Variants in KCNT1 observed in about 807,000 individuals in gnomAD.
KCNT1 encodes potassium channel subfamily T member 1.
A neutral mutation model predicts 147.8 loss-of-function variants in KCNT1; 78 were observed. That is an observed-to-expected ratio of 0.53 (90% CI 0.44 to 0.64). The LOEUF (loss-of-function observed/expected upper bound fraction) is 0.64. Among genes scored for constraint, KCNT1 ranks in the 30% least tolerant of loss-of-function variants. KCNT1 has a pLI of 0.00. For missense variants in KCNT1, 1,419 were observed against 1,750.3 expected (o/e 0.81, Z 3.38); for synonymous variants, 867 against 748.8 (o/e 1.16, Z -2.58).
At chr9:135,720,351 C>T (rs1156261638) in intron 2 of KCNT1, among the ~76,000 whole-genome samples, 8 of 151,684 alleles carry the variant, frequency 5.3e-5, no homozygotes, top group Non-Finnish European at 8.8e-5. Context: ...TCCGAGCCCT[C>T]ATCTGTCATC....
In KCNT1 at chr9:135,752,674, G is replaced by A. The variant is rs1831250152; in HGVS notation, c.435-1263G>A. On this transcript the variant is annotated intron_variant, in intron 4 of 30. Transcript: ENST00000371757. This position sits in a 1 kb window ranked among gnomAD's most constrained non-coding sequence, Gnocchi z 5.1. The stretch of plus-strand genomic sequence containing the variant: ...GGATGGACGGATGGATGGAGTGGAT[G>A]GAGGGATGAGTGGATGGGTGGATAA... Among the ~76,000 whole-genome samples, 1 of 145,944 alleles carries A rather than the reference G, an allele frequency of 6.9e-6. No homozygotes were observed. Among genetic ancestry groups the A allele is most frequent in the South Asian group, 2.1e-4 (1 of 4,708 alleles).
chr9:135,787,382 C>T (rs540861226), intron 29 of KCNT1, among the ~76,000 whole-genome samples: 251 of 152,322 alleles, frequency 1.6e-3, no homozygotes, highest in Non-Finnish European at 3.1e-3. Flanking sequence ...TCCCCAGCAC[C>T]GGGCCGCTAC....
intron 2 of KCNT1, among the ~76,000 whole-genome samples, chr9:135,741,646 A>G (rs901930398): frequency 1.3e-5 from 2 of 151,940 alleles, no homozygotes; most frequent in Non-Finnish European, 2.9e-5. Context: ...TCCCCCAGGG[A>G]CCAGAAGCTG....
At chr9:135,728,681 G>A (rs574622152) in intron 2 of KCNT1, among the ~76,000 whole-genome samples, 1 of 152,258 alleles carries the variant, frequency 6.6e-6, no homozygotes, top group East Asian at 1.9e-4. Context: ...GGCCGGGCAG[G>A]GGTCCTGGGA....
intron 1 of KCNT1, among the ~76,000 whole-genome samples, chr9:135,708,525 C>T (rs937248912): frequency 6.6e-6 from 1 of 152,160 alleles, no homozygotes; most frequent in African/African-American, 2.4e-5. Context: ...AACCTCATTC[C>T]CTTAGCCAAA....
chr9:135,785,154 C>T (rs1396979871), intron 27 of KCNT1, among the ~76,000 whole-genome samples, 156 bp from the exon 28 acceptor site: 1 of 152,154 alleles, frequency 6.6e-6, no homozygotes, highest in African/African-American at 2.4e-5. Flanking sequence ...GGGGAGTCTT[C>T]AGGAAGAATA....
At chr9:135,755,249 G>GGGAA (rs1831407751) in intron 6 of KCNT1, 80 bp downstream of exon 6, 1 of 1,279,176 alleles carries the variant, frequency 7.8e-7, no homozygotes, top group African/African-American at 1.5e-5. Flanking sequence ...TCAGTAAGTA[G>GGGAA]GGAACCCAGG....
chr9:135,770,994 T>C lies in KCNT1; in HGVS notation c.1907T>C (p.Ile636Thr). 1.2e-6 allele frequency: 2 copies of C among 1,613,894 alleles called. No homozygotes were observed. The highest frequency in any genetic ancestry group is 2.2e-5 in the South Asian group (2 of 91,024). The change falls in exon 18 of 31, where the codon ATC (isoleucine) becomes ACC (threonine). Residue 636 changes from isoleucine (I) to threonine (T), a missense_variant. By Grantham distance (89) the Ile-to-Thr change is moderately conservative. Around this residue, in one of 5 missense-constraint regions of KCNT1, gnomAD observed 284 missense variants for 292.8 expected, o/e 0.97. Coordinates refer to ENST00000371757, the MANE Select transcript of KCNT1 (RefSeq NM_020822.3). ...ACCAAGGAGGAGAACTCGGCCTTCA[T>C]CTTCAAGCAGGAGGAGAAGCGGAAG... ...NITKEENSAF[I>T]FKQEEKRKKR...
chr9:135,770,517 CG>C, intron 17 of KCNT1, 70 bp downstream of exon 17: 5 of 1,526,592 alleles, frequency 3.3e-6, no homozygotes, highest in Non-Finnish European at 4.4e-6. Context: ...CCCACCCTCC[CG>C]GTCAGGCACA....
Position 135,759,801 on chromosome 9 carries a change from C to T in KCNT1, c.977C>T (p.Pro326Leu), listed in dbSNP as rs777106178. Residue 326 changes from proline to leucine, a missense_variant, in exon 11 of 31, where the codon CCA becomes CTA. Around this residue, in one of 5 missense-constraint regions of KCNT1, gnomAD observed 401 missense variants for 610.6 expected, o/e 0.66. Transcript: ENST00000371757. ...GGTGACGTCACGCCCAAGATCTGGC[C>T]ATCGCAGCTGCTGGTGGTCATCATG... ...GYGDVTPKIW[P>L]SQLLVVIMIC... The T allele has an allele frequency of 5.6e-6, 9 of 1,613,396 alleles. No individual in the cohort carries two copies. The highest frequency in any genetic ancestry group is 2.2e-5 in the East Asian group (1 of 44,874).
At chr9:135,702,452 T>A in intron 1 of KCNT1, 84 bp downstream of exon 1, 1 of 1,081,676 alleles carries the variant, frequency 9.2e-7, no homozygotes, top group Non-Finnish European at 1.4e-6. Flanking sequence ...TCCCGCACCC[T>A]CCAGGACCCG....
chr9:135,756,184 A>G (rs923042600), intron 6 of KCNT1, among the ~76,000 whole-genome samples: 3 of 151,906 alleles, frequency 2.0e-5, no homozygotes, highest in African/African-American at 7.3e-5. Flanking sequence ...CAGGCTCAGT[A>G]AGCAGGGGTC....
chr9:135,784,740 C>A, intron 26 of KCNT1, 21 bp from the exon 27 acceptor site: 6 of 1,611,134 alleles, frequency 3.7e-6, no homozygotes, highest in Non-Finnish European at 5.1e-6. Flanking sequence ...CCCCAGCCAA[C>A]TCAGGGTTCC....
chr9:135,702,504 C>A (rs1420428325), intron 1 of KCNT1, 136 bp downstream of exon 1: 12 of 716,192 alleles, frequency 1.7e-5, no homozygotes, highest in Non-Finnish European at 2.9e-5. Flanking sequence ...CCCGCGAGTG[C>A]CCTCCCAACC....
At chr9:135,754,869 C>T (rs1394791250) in intron 5 of KCNT1, among the ~76,000 whole-genome samples, 1 of 152,178 alleles carries the variant, frequency 6.6e-6, no homozygotes, top group Non-Finnish European at 1.5e-5. Flanking sequence ...AGCCATGGGC[C>T]CTGGCCTCAC....
chr9:135,774,144 T>C (rs924740621), intron 19 of KCNT1, among the ~76,000 whole-genome samples: 1 of 150,610 alleles, frequency 6.6e-6, no homozygotes, highest in African/African-American at 2.4e-5. Flanking sequence ...TGATATGTGA[T>C]GTGTGTCTGG....
At chr9:135,729,957 G>A (rs1836363826) in intron 2 of KCNT1, among the ~76,000 whole-genome samples, 1 of 152,278 alleles carries the variant, frequency 6.6e-6, no homozygotes, top group African/African-American at 2.4e-5. Context: ...TCCCTCTGTG[G>A]CTCTTGGCCC....
At chr9:135,789,923 C>G (rs1340882934) in intron 29 of KCNT1, 1 of 152,268 alleles carries the variant, frequency 6.6e-6, no homozygotes, top group East Asian at 1.9e-4. Flanking sequence ...TCCTGGGCAG[C>G]CAGGACCAGT....
rs1831230287 is a variant in KCNT1, at chr9:135,752,455, T to A, written c.434+1414T>A. The A allele has an allele frequency of 2.2e-6, 1 of 456,234 alleles. No homozygotes were observed. The highest frequency in any genetic ancestry group is 2.4e-5 in the Admixed American group (1 of 42,534). The allele number at this position is 456,234 out of a possible 1,614,324, so 28.3% of individuals were successfully genotyped here. A position where few individuals can be genotyped will look rare whatever the true frequency, so the allele number is the denominator to read the frequency against. On this transcript the variant is annotated intron_variant, in intron 4 of 30. Coordinates refer to ENST00000371757, the MANE Select transcript of KCNT1 (RefSeq NM_020822.3). The surrounding 1 kb of genome is among the most constrained non-coding windows in gnomAD (Gnocchi z 5.1). ...CTGACTGACTCTCAAGCTACTTTCCTAGGTCACTCCCCACCCCAAGTCCCA... is the reference window on the plus strand; with the variant it reads ...CTGACTGACTCTCAAGCTACTTTCCAAGGTCACTCCCCACCCCAAGTCCCA...
Sources: allele counts gnomAD v4.1 joint callset (sites outside exome capture counted in the v4.1 genomes callset), GRCh38; gene constraint gnomAD v4.1.1; regional missense constraint gnomAD v4.1.1; non-coding constraint Gnocchi (gnomAD v3.1); transcripts MANE v1.5; gene names NCBI Gene and HGNC (gene_info 2026-07-23, HGNC 2026-07-21).